SNX6: variants seen among roughly 807,000 people sequenced by gnomAD.
The protein encoded by SNX6 is sorting nexin 6.
SNX6 carries 34 observed loss-of-function variants against 63.0 expected under a neutral mutation model. The observed-to-expected ratio is 0.54, with a 90% CI of 0.41 to 0.72. The LOEUF (loss-of-function observed/expected upper bound fraction) is 0.72. Among genes scored for constraint, SNX6 ranks in the 30% least tolerant of loss-of-function variants. The pLI is 0.00. For synonymous variants in SNX6, 170 were observed against 164.2 expected (o/e 1.04, Z -0.27); for missense variants, 398 against 471.4 (o/e 0.84, Z 1.44).
At chr14:34,593,910 T>C (rs1018750121) in intron 7 of SNX6, among the ~76,000 whole-genome samples, 3 of 152,028 alleles carry the variant, frequency 2.0e-5, no homozygotes, top group Non-Finnish European at 4.4e-5. Context: ...GAGACAGGGT[T>C]TCGCCATGTT....
At chr14:34,629,842 C>A (rs1274960026) in intron 2 of SNX6, 65 bp downstream of exon 2, 75 of 1,546,656 alleles carry the variant, frequency 4.8e-5, no homozygotes, top group Non-Finnish European at 5.9e-5. Context: ...CCGTACCACA[C>A]CCGGGGACCC....
intron 2 of SNX6, among the ~76,000 whole-genome samples, chr14:34,615,277 G>C (rs1342964645): frequency 1.3e-5 from 2 of 151,622 alleles, no homozygotes; most frequent in East Asian, 1.9e-4. Context: ...TCAGTATAAA[G>C]AGCTTTAACA....
At position 34,593,978 on chromosome 14, in the gene SNX6, C is replaced by T. The variant is rs548623274; in HGVS notation, c.613-828G>A. ...TGATCCGCGCGCCTCGGCCTCCCAA[C>T]GTGCTAAAGTGCTGGGATTACAGGC... is the stretch of plus-strand genomic sequence containing the variant. On this transcript the variant is annotated intron_variant, in intron 7 of 13. Transcript: ENST00000362031. 6.6e-5 allele frequency among the ~76,000 whole-genome samples: 10 copies of T among 152,148 alleles called. No homozygotes were observed. In the East Asian group the frequency reaches 1.7e-3, roughly 26 times the overall value.
chr14:34,583,567 T>C (rs1882030800), intron 9 of SNX6, among the ~76,000 whole-genome samples: 1 of 151,850 alleles, frequency 6.6e-6, no homozygotes, highest in South Asian at 2.1e-4. Flanking sequence ...CAGTGCTCTA[T>C]GACTGCACCT....
chr14:34,583,852 T>TTTTG (rs1882043448), intron 9 of SNX6, among the ~76,000 whole-genome samples: 1 of 150,052 alleles, frequency 6.7e-6, no homozygotes, highest in South Asian at 2.1e-4. Flanking sequence ...GAAGGTGGCT[T>TTTTG]TTTTTTTTTT....
At chr14:34,629,659 C>T (rs1883963468) in intron 2 of SNX6, 7 of 712,386 alleles carry the variant, frequency 9.8e-6, no homozygotes, top group Non-Finnish European at 1.8e-5. Flanking sequence ...GAGTGGAGGT[C>T]CACCAGAAGG....
intron 2 of SNX6, among the ~76,000 whole-genome samples, chr14:34,612,475 T>C (rs1022024509): frequency 9.0e-6 from 1 of 111,384 alleles, no homozygotes; most frequent in South Asian, 2.9e-4. Flanking sequence ...CTTTGTCCCC[T>C]GAGGTTGGAG....
chr14:34,625,027 C>A (rs1286373526), intron 2 of SNX6, among the ~76,000 whole-genome samples: 2 of 151,880 alleles, frequency 1.3e-5, no homozygotes, highest in African/African-American at 4.8e-5. Context: ...GTGATTCTCC[C>A]GCCTCAGCCT....
At chr14:34,618,002 A>G (rs1439076138) in intron 2 of SNX6, among the ~76,000 whole-genome samples, 1 of 152,052 alleles carries the variant, frequency 6.6e-6, no homozygotes, top group African/African-American at 2.4e-5. Context: ...AGCTTAGAAC[A>G]TCCCTAAGAC....
In SNX6 at chr14:34,609,462, C is replaced by A. The variant is rs535573643; in HGVS notation, c.159+176G>T. 2.7e-5 allele frequency among the ~76,000 whole-genome samples: 3 copies of A among 109,234 alleles called. No individual in the cohort carries two copies. In the East Asian group the frequency reaches 8.8e-4, roughly 32 times the overall value. 71.7% of individuals were successfully genotyped at this position (109,234 alleles called of 152,430 possible). A position where few individuals can be genotyped will look rare whatever the true frequency, so the allele number is the denominator to read the frequency against. Reference sequence around the variant, plus strand: ...TGCCACTGCACTCCAGCCTGGGCGACAGAGCAAGACTCCGTCTCAAAAAAA... The same window carrying A: ...TGCCACTGCACTCCAGCCTGGGCGAAAGAGCAAGACTCCGTCTCAAAAAAA... On this transcript the variant is annotated intron_variant, in intron 3 of 13. Coordinates refer to ENST00000362031, the MANE Select transcript of SNX6 (RefSeq NM_152233.4).
At chr14:34,611,936 G>A (rs999517319) in intron 2 of SNX6, among the ~76,000 whole-genome samples, 3 of 151,850 alleles carry the variant, frequency 2.0e-5, no homozygotes, top group Admixed American at 6.6e-5. Context: ...CCACCACCAC[G>A]CCTGGCTCAT....
intron 5 of SNX6, chr14:34,605,390 T>C: frequency 2.8e-6 from 1 of 361,906 alleles, no homozygotes; most frequent in East Asian, 4.8e-5. Flanking sequence ...TTAAATAACT[T>C]TACAGTGGAA....
chr14:34,611,941 G>A (rs1364279947), intron 2 of SNX6, among the ~76,000 whole-genome samples: 1 of 151,866 alleles, frequency 6.6e-6, no homozygotes, highest in Non-Finnish European at 1.5e-5. Flanking sequence ...ACCACGCCTG[G>A]CTCATTTTTT....
rs889656384 is a variant in SNX6, at chr14:34,597,471, T to C, written c.612+79A>G. On this transcript the variant is annotated intron_variant, in intron 7 of 13. Coordinates refer to ENST00000362031, the MANE Select transcript of SNX6 (RefSeq NM_152233.4). ...GTCCAAATGTCTTTTACTCTAATTCTGCACATTTGAAATCTCAATCTATCT... is the reference window on the plus strand; with the variant it reads ...GTCCAAATGTCTTTTACTCTAATTCCGCACATTTGAAATCTCAATCTATCT... 31 of 866,970 alleles carry C rather than the reference T, an allele frequency of 3.6e-5. No individual in the cohort carries two copies. The Middle Eastern group carries it at 6.7e-4, about 19-fold the overall frequency. The allele number at this position is 866,970 out of a possible 1,614,324, so 53.7% of individuals were successfully genotyped here.
intron 4 of SNX6, among the ~76,000 whole-genome samples, chr14:34,607,571 T>C (rs1209264233): frequency 1.3e-5 from 2 of 151,546 alleles, no homozygotes; most frequent in African/African-American, 2.4e-5. Context: ...GATCAGGCCA[T>C]TGCATTCCAG....
At chr14:34,608,770 G>A (rs1883113694) in intron 3 of SNX6, among the ~76,000 whole-genome samples, 1 of 152,188 alleles carries the variant, frequency 6.6e-6, no homozygotes. Context: ...GCTCACGCCT[G>A]TAATCCTAGC....
At chr14:34,584,524 C>T (rs981370203) in intron 9 of SNX6, among the ~76,000 whole-genome samples, 5 of 151,726 alleles carry the variant, frequency 3.3e-5, no homozygotes, top group Non-Finnish European at 7.4e-5. Flanking sequence ...AGCAAGACAC[C>T]GTCTTCCGGG....
intron 6 of SNX6, among the ~76,000 whole-genome samples, chr14:34,601,914 A>C (rs1048330078): frequency 2.0e-5 from 3 of 151,880 alleles, no homozygotes; most frequent in African/African-American, 7.3e-5. Flanking sequence ...TAACATGCTT[A>C]ACTATCATTC....
chr14:34,568,681 G>T, intron 11 of SNX6: 1 of 913,758 alleles, frequency 1.1e-6, no homozygotes, highest in Non-Finnish European at 1.8e-6. Flanking sequence ...AACCCAGCAT[G>T]GTTTGTTCTA....
Sources: gnomAD v4.1 joint callset for allele counts (sites outside exome capture counted in the v4.1 genomes callset) on GRCh38, gnomAD v4.1.1 for gene constraint, MANE v1.5 for transcripts, NCBI Gene and HGNC (gene_info 2026-07-23, HGNC 2026-07-21) for gene names.